The following RBKS variants were observed in gnomAD, a reference collection of about 807,000 sequenced individuals.
RBKS encodes ribokinase.
Under a neutral mutation model 33.9 loss-of-function variants are expected in RBKS, and 33 were observed. The observed-to-expected ratio is 0.97, with a 90% CI of 0.74 to 1.30. RBKS has a LOEUF of 1.30. RBKS is among the 50% of genes most tolerant of loss of function. The probability of loss-of-function intolerance (pLI) is 0.00; values close to 1 mark genes in which losing one functional copy is unlikely to be tolerated. For missense variants in RBKS, 361 were observed against 392.6 expected, an observed-to-expected ratio of 0.92 and a Z score of 0.68; for synonymous variants, 125 against 143.0, an observed-to-expected ratio of 0.87 and a Z score of 0.90.
In RBKS at chr2:27,890,257, C is replaced by T. The variant is rs760727351; in HGVS notation, c.89G>A (p.Ser30Asn). ...ACTGAGTAACTGGCCCCGGACTAAC[C>T]TGACCAGGTCGGTCATGCAGGAGCC... ...VVGSCMTDLVSLTSRLPKTGE... is the reference protein window; with the variant it reads ...VVGSCMTDLVNLTSRLPKTGE... Residue 30 changes from serine to asparagine, a missense_variant and splice_region_variant, in exon 1 of 8, where the codon AGT (serine) becomes AAT (asparagine). Ser to Asn is a conservative substitution (Grantham distance 46). Transcript: ENST00000302188. This position sits in a 1 kb window ranked among gnomAD's most constrained non-coding sequence, Gnocchi z 4.8. The T allele has an allele frequency of 6.2e-7, 1 of 1,613,554 alleles. No homozygotes were observed. The highest frequency in any genetic ancestry group is 8.5e-7 in the Non-Finnish European group (1 of 1,179,874).
At chr2:27,794,549 T>C (rs1234219208) in intron 7 of RBKS, among the ~76,000 whole-genome samples, 1 of 151,632 alleles carries the variant, frequency 6.6e-6, no homozygotes, top group Non-Finnish European at 1.5e-5. Context: ...GCAGTTTCCG[T>C]TGTAACCATG....
At chr2:27,814,971 T>C (rs1678059272) in intron 7 of RBKS, among the ~76,000 whole-genome samples, 1 of 152,190 alleles carries the variant, frequency 6.6e-6, no homozygotes, top group South Asian at 2.1e-4. Context: ...TTCATGCAAT[T>C]AACTGTTTAT....
chr2:27,829,241 T>C (rs139527353), intron 6 of RBKS, among the ~76,000 whole-genome samples: 2,006 of 151,872 alleles, frequency 0.013, 55 homozygotes, highest in African/African-American at 0.046. Flanking sequence ...ATCTGTAGGT[T>C]GTTGATTGTG....
intron 7 of RBKS, among the ~76,000 whole-genome samples, chr2:27,801,600 G>T (rs1288618007): frequency 1.3e-5 from 2 of 151,910 alleles, no homozygotes; most frequent in South Asian, 2.1e-4. Context: ...GTAATATAAT[G>T]TTTGGTAGGT....
chr2:27,879,359 T>C lies in RBKS; in HGVS notation c.89+10898A>G, dbSNP rs552990108. Among the ~76,000 whole-genome samples, 14 of 152,282 alleles carry C rather than the reference T, an allele frequency of 9.2e-5. No homozygotes were observed. The East Asian group carries it at 2.7e-3, about 29-fold the overall frequency. On this transcript the variant is annotated intron_variant, in intron 1 of 7. Coordinates refer to ENST00000302188, the MANE Select transcript of RBKS (RefSeq NM_022128.3). ...TGTTGAAATTTAATTGCCAGTGAAATGGCACTGGGAGGTGAGACTTTTAAG... is the reference window on the plus strand; with the variant it reads ...TGTTGAAATTTAATTGCCAGTGAAACGGCACTGGGAGGTGAGACTTTTAAG...
rs1678446404 is a variant in RBKS, at chr2:27,832,778, C to T, written c.515-1G>A. ...GGGGCTGGATTGAACAAGGTTTTCA[C>T]TACAAAGGAATGGAAAAGGGGGTTA... On this transcript the variant is annotated splice_acceptor_variant, in intron 5 of 7. Coordinates refer to ENST00000302188, the MANE Select transcript of RBKS (RefSeq NM_022128.3). LOFTEE classifies it high-confidence loss of function. 1.3e-6 allele frequency: 2 copies of T among 1,594,098 alleles called. No homozygotes were observed. The highest frequency in any genetic ancestry group is 1.7e-6 in the Non-Finnish European group (2 of 1,161,930).
At position 27,827,615 on chromosome 2, in the gene RBKS, A is replaced by T. The variant is rs1390871668; in HGVS notation, c.747T>A (p.Pro249=). The T allele has an allele frequency of 6.2e-7, 1 of 1,609,764 alleles. No homozygotes were observed. The change falls in exon 7 of 8, where the codon CCT becomes CCA. Residue 249 remains proline (P), a synonymous_variant. Coordinates refer to ENST00000302188, the MANE Select transcript of RBKS (RefSeq NM_022128.3). ...EGCVVLSQTE[P]EPKHIPTEKV... ...TCTCTGTGGGAATGTGCTTTGGCTC[A>T]GGTTCTGTCTGTGACAGCACCACAC...
chr2:27,822,174 A>G (rs763868375), intron 7 of RBKS, among the ~76,000 whole-genome samples: 17 of 152,204 alleles, frequency 1.1e-4, no homozygotes, highest in Non-Finnish European at 2.2e-4. Context: ...AGAACTGCTG[A>G]GTATTCAGTC....
At chr2:27,789,868 A>ATGTGTGTGTG (rs112593610) in intron 7 of RBKS, among the ~76,000 whole-genome samples, 11 of 131,078 alleles carry the variant, frequency 8.4e-5, no homozygotes, top group African/African-American at 2.8e-4. Context: ...TGGCCAGCTG[A>ATGTGTGTGTG]TGTGTGTGTG....
chr2:27,881,004 A>T (rs1373081533), intron 1 of RBKS, among the ~76,000 whole-genome samples: 1 of 152,048 alleles, frequency 6.6e-6, no homozygotes, highest in Non-Finnish European at 1.5e-5. Context: ...GCTTCAGCCC[A>T]GGAGTTCGAG....
In RBKS at chr2:27,799,239, C is replaced by A. The variant is rs148605292; in HGVS notation, c.796-17451G>T. Among the ~76,000 whole-genome samples, 48 of 152,252 alleles carry A rather than the reference C, an allele frequency of 3.2e-4. 1 individual carries two copies. The highest frequency in any genetic ancestry group is 1.1e-3 in the African/African-American group (45 of 41,538). ...GGGTATGAAGTGTAGCTGGGAAAAACCCCCAAGTGATGAAAGTCTCCAAGG... is the reference window on the plus strand; with the variant it reads ...GGGTATGAAGTGTAGCTGGGAAAAAACCCCAAGTGATGAAAGTCTCCAAGG... On this transcript the variant is annotated intron_variant, in intron 7 of 7. Transcript: ENST00000302188.
chr2:27,843,343 TTAAG>T (rs1471723549), intron 4 of RBKS, 112 bp from the exon 5 acceptor site: 2 of 759,304 alleles, frequency 2.6e-6, no homozygotes, highest in South Asian at 2.7e-5. Context: ...AAATGTGTTA[TTAAG>T]TATTAATTTT....
intron 7 of RBKS, among the ~76,000 whole-genome samples, chr2:27,813,674 T>G (rs762843648): frequency 5.9e-5 from 9 of 151,982 alleles, no homozygotes; most frequent in Non-Finnish European, 1.2e-4. Context: ...TATCTATATA[T>G]ATATATGTAT....
At chr2:27,835,983 A>AG (rs61580987) in intron 5 of RBKS, among the ~76,000 whole-genome samples, 3 of 152,054 alleles carry the variant, frequency 2.0e-5, no homozygotes, top group South Asian at 2.1e-4. Flanking sequence ...TGGGAGGCTG[A>AG]GGGGGGTAGA....
intron 5 of RBKS, among the ~76,000 whole-genome samples, chr2:27,840,348 A>ACGCGCG (rs1273532406): frequency 2.2e-5 from 3 of 136,240 alleles, no homozygotes; most frequent in Non-Finnish European, 4.6e-5. Flanking sequence ...ACACACACAC[A>ACGCGCG]CACACACGCG....
chr2:27,832,423 A>G (rs1224922737), intron 6 of RBKS, among the ~76,000 whole-genome samples: 1 of 152,206 alleles, frequency 6.6e-6, no homozygotes. Context: ...CAAAACACCA[A>G]CAGTGTGAGG....
At chr2:27,865,212 C>T (rs1664071579) in intron 1 of RBKS, among the ~76,000 whole-genome samples, 1 of 152,036 alleles carries the variant, frequency 6.6e-6, no homozygotes, top group East Asian at 1.9e-4. Context: ...CCCAGTTACT[C>T]GGGAGGCTGA....
At chr2:27,863,793 T>A (rs1288244212) in intron 1 of RBKS, among the ~76,000 whole-genome samples, 1 of 152,246 alleles carries the variant, frequency 6.6e-6, no homozygotes, top group Non-Finnish European at 1.5e-5. Flanking sequence ...CTGCCTGTAT[T>A]CTTCAACCAT....
intron 6 of RBKS, among the ~76,000 whole-genome samples, chr2:27,828,259 T>A (rs2148202970): frequency 6.6e-6 from 1 of 152,070 alleles, no homozygotes; most frequent in Admixed American, 6.5e-5. Context: ...CATATAATAA[T>A]TTTAACAAAG....
Sources: allele counts gnomAD v4.1 joint callset (sites outside exome capture counted in the v4.1 genomes callset), GRCh38; gene constraint gnomAD v4.1.1; non-coding constraint Gnocchi (gnomAD v3.1); transcripts MANE v1.5; gene names NCBI Gene and HGNC (gene_info 2026-07-23, HGNC 2026-07-21).